Variants in CRTAP observed in about 807,000 individuals in gnomAD.
CRTAP encodes the protein cartilage-associated protein.
Under a neutral mutation model 42.7 loss-of-function variants are expected in CRTAP, and 33 were observed. That is an observed-to-expected ratio of 0.77 (90% CI 0.59 to 1.03). The LOEUF (loss-of-function observed/expected upper bound fraction) is 1.03, where lower values mean the gene tolerates loss of function less well. Among genes scored for constraint, CRTAP ranks in the 50% least tolerant of loss-of-function variants. The pLI, the probability that CRTAP is intolerant of heterozygous loss-of-function variation, is 0.00. For missense variants in CRTAP, 613 were observed against 533.9 expected, an observed-to-expected ratio of 1.15 and a Z score of -1.46; for synonymous variants, 243 against 217.7, an observed-to-expected ratio of 1.12 and a Z score of -1.02.
intron 6 of CRTAP, among the ~76,000 whole-genome samples, chr3:33,138,134 G>C (rs1293350038): frequency 6.6e-6 from 1 of 151,750 alleles, no homozygotes; most frequent in African/African-American, 2.4e-5. Flanking sequence ...TTTCAACCAA[G>C]ATTAGATTAC....
At chr3:33,130,454 T>G (rs2030220459) in intron 4 of CRTAP, among the ~76,000 whole-genome samples, 1 of 152,146 alleles carries the variant, frequency 6.6e-6, no homozygotes, top group African/African-American at 2.4e-5. Context: ...CCCTTCCTCC[T>G]TATCACTAGC....
intron 1 of CRTAP, among the ~76,000 whole-genome samples, chr3:33,119,965 G>A (rs1701396923): frequency 6.6e-6 from 1 of 152,194 alleles, no homozygotes; most frequent in Non-Finnish European, 1.5e-5. Context: ...AGGGAACCAG[G>A]AAATGAAATA....
intron 1 of CRTAP, among the ~76,000 whole-genome samples, chr3:33,118,500 C>A (rs1339528205): frequency 6.6e-6 from 1 of 152,228 alleles, no homozygotes; most frequent in Non-Finnish European, 1.5e-5. Context: ...TCACCACCCA[C>A]CACTTCTCTG....
intron 3 of CRTAP, among the ~76,000 whole-genome samples, chr3:33,127,774 TCTCA>T (rs2030123169): frequency 6.7e-6 from 1 of 149,412 alleles, no homozygotes; most frequent in African/African-American, 2.5e-5. Flanking sequence ...TGAGACTGAG[TCTCA>T]CTCTGTCGCC....
intron 3 of CRTAP, among the ~76,000 whole-genome samples, chr3:33,128,058 A>G (rs1388414895): frequency 6.6e-6 from 1 of 152,136 alleles, no homozygotes; most frequent in Non-Finnish European, 1.5e-5. Flanking sequence ...CTGTATAATT[A>G]TTTTTATTTC....
chr3:33,129,992 C>T lies in CRTAP; in HGVS notation c.847C>T (p.Pro283Ser). 6.2e-7 allele frequency: 1 copy of T among 1,613,094 alleles called. No individual in the cohort carries two copies. Among genetic ancestry groups the T allele is most frequent in the Admixed American group, 1.7e-5 (1 of 60,002 alleles). Reference protein sequence around the residue: ...CKIQCEENLTPVIGGYPVEKF... With the variant: ...CKIQCEENLTSVIGGYPVEKF... ...AATACAGTGTGAAGAGAACCTCACCCCAGTTATAGGAGGCTATCCGGTTGA... is the reference window on the plus strand; with the variant it reads ...AATACAGTGTGAAGAGAACCTCACCTCAGTTATAGGAGGCTATCCGGTTGA... The change falls in exon 4 of 7, where the codon CCA (proline) becomes TCA (serine). Residue 283 changes from proline (P) to serine (S), a missense_variant. Coordinates refer to ENST00000320954, the MANE Select transcript of CRTAP (RefSeq NM_006371.5).
At chr3:33,121,411 C>CAAAAAAAAAAAAAAAAAAAAA (rs59483352) in intron 2 of CRTAP, among the ~76,000 whole-genome samples, 1 of 147,452 alleles carries the variant, frequency 6.8e-6, no homozygotes, top group African/African-American at 2.6e-5. Flanking sequence ...GACTCTGTCT[C>CAAAAAAAAAAAAAAAAAAAAA]AAAAAAAATG....
In CRTAP at chr3:33,114,305, G is replaced by C; in HGVS notation, c.228G>C (p.Leu76Phe). ...AGATCAGCCTGCGGCTGCACCGCTTGCTGCGCGACAGCGAGGCCTTCTGCC... is the reference window on the plus strand; with the variant it reads ...AGATCAGCCTGCGGCTGCACCGCTTCCTGCGCGACAGCGAGGCCTTCTGCC... ...YLEISLRLHR[L>F]LRDSEAFCHR... Residue 76 changes from leucine (L) to phenylalanine (F), a missense_variant, in exon 1 of 7, where the codon TTG becomes TTC. By Grantham distance (22) the Leu-to-Phe change is conservative. Transcript: ENST00000320954. The C allele has an allele frequency of 6.4e-7, 1 of 1,558,950 alleles. No individual in the cohort carries two copies. The highest frequency in any genetic ancestry group is 8.6e-7 in the Non-Finnish European group (1 of 1,160,520).
At chr3:33,140,052 G>A (rs2030532641) in intron 6 of CRTAP, among the ~76,000 whole-genome samples, 1 of 152,206 alleles carries the variant, frequency 6.6e-6, no homozygotes, top group Non-Finnish European at 1.5e-5. Flanking sequence ...TCCCAGTGGT[G>A]AAATTCCTGG....
At chr3:33,120,561 C>T in intron 2 of CRTAP, 68 bp downstream of exon 2, 1 of 1,552,632 alleles carries the variant, frequency 6.4e-7, no homozygotes, top group East Asian at 2.4e-5. Context: ...TCTCCATAAG[C>T]AGCTGCTGAT....
intron 1 of CRTAP, among the ~76,000 whole-genome samples, chr3:33,118,736 G>A (rs1701377032): frequency 6.6e-6 from 1 of 152,230 alleles, no homozygotes; most frequent in Non-Finnish European, 1.5e-5. Context: ...ACTAGGTTGT[G>A]CCAAGAGTCC....
intron 3 of CRTAP, among the ~76,000 whole-genome samples, chr3:33,129,206 C>G (rs568816514): frequency 6.6e-6 from 1 of 152,214 alleles, no homozygotes; most frequent in East Asian, 1.9e-4. Context: ...TAAATTTTGC[C>G]AAATTGTTCT....
At chr3:33,114,775 C>T (rs905213299) in intron 1 of CRTAP, among the ~76,000 whole-genome samples, 1 of 152,246 alleles carries the variant, frequency 6.6e-6, no homozygotes, top group Non-Finnish European at 1.5e-5. Context: ...AGAATACGTA[C>T]ACAGAACGCA....
intron 4 of CRTAP, among the ~76,000 whole-genome samples, chr3:33,130,525 C>CTTTTTTTTTTTTTTT (rs765558103): frequency 4.2e-4 from 23 of 55,228 alleles, no homozygotes; most frequent in African/African-American, 6.2e-4. Context: ...CTTTTCTTTT[C>CTTTTTTTTTTTTTTT]TTTTTTTTTT....
At chr3:33,142,104 A>G (rs2030589578) in intron 6 of CRTAP, among the ~76,000 whole-genome samples, 1 of 152,182 alleles carries the variant, frequency 6.6e-6, no homozygotes, top group South Asian at 2.1e-4. Context: ...GAGTAGGCAG[A>G]GATGCACACA....
At chr3:33,118,389 G>A (rs1022607417) in intron 1 of CRTAP, among the ~76,000 whole-genome samples, 12 of 152,186 alleles carry the variant, frequency 7.9e-5, no homozygotes, top group African/African-American at 2.9e-4. Context: ...CTGGCCAGGA[G>A]TGTGAAGCTT....
chr3:33,139,889 CTTTT>C (rs768768424), intron 6 of CRTAP, among the ~76,000 whole-genome samples: 1 of 152,146 alleles, frequency 6.6e-6, no homozygotes, highest in African/African-American at 2.4e-5. Flanking sequence ...ATAAAAATGA[CTTTT>C]TTGTGACTAA....
chr3:33,141,698 G>C (rs2030576029), intron 6 of CRTAP, among the ~76,000 whole-genome samples: 1 of 152,182 alleles, frequency 6.6e-6, no homozygotes, highest in South Asian at 2.1e-4. Flanking sequence ...TCATCAGCTG[G>C]TGGTCCAGGA....
intron 6 of CRTAP, among the ~76,000 whole-genome samples, chr3:33,141,778 A>G (rs1024130979): frequency 1.3e-5 from 2 of 152,218 alleles, no homozygotes; most frequent in African/African-American, 4.8e-5. Flanking sequence ...AAGTTGAAGT[A>G]TAAGGCTGAT....
Sources: allele counts gnomAD v4.1 joint callset (sites outside exome capture counted in the v4.1 genomes callset), GRCh38; gene constraint gnomAD v4.1.1; transcripts MANE v1.5; gene names NCBI Gene and HGNC (gene_info 2026-07-23, HGNC 2026-07-21).